The following KCNIP4 variants were observed in gnomAD, a reference collection of about 807,000 sequenced individuals.
The protein encoded by KCNIP4 is potassium voltage-gated channel interacting protein 4.
KCNIP4 carries 12 observed loss-of-function variants against 34.0 expected under a neutral mutation model. The observed-to-expected ratio is 0.35, with a 90% CI of 0.23 to 0.57. KCNIP4 has a LOEUF of 0.57. Among genes scored for constraint, KCNIP4 ranks in the 20% least tolerant of loss-of-function variants. The pLI is 0.83. For synonymous variants in KCNIP4, 124 were observed against 102.2 expected (o/e 1.21, Z -1.29); for missense variants, 238 against 311.7 (o/e 0.76, Z 1.78).
Position 20,748,262 on chromosome 4 carries a change from T to C in KCNIP4, c.429+1400A>G, listed in dbSNP as rs114749240. Among the ~76,000 whole-genome samples, 1,053 of 152,206 alleles carry C rather than the reference T, an allele frequency of 6.9e-3. 6 individuals carry two copies. Among genetic ancestry groups the C allele is most frequent in the Non-Finnish European group, 0.011 (770 of 68,008 alleles). On this transcript the variant is annotated intron_variant, in intron 5 of 8. Coordinates refer to ENST00000382152, the MANE Select transcript of KCNIP4 (RefSeq NM_025221.6). ...TGTGTATTCTATCTTCTTGATGATT[T>C]ACACGTTTCCCTTGGTTCCCAGGCC...
At chr4:21,476,898 T>A (rs565718290) in intron 1 of KCNIP4, among the ~76,000 whole-genome samples, 1 of 152,246 alleles carries the variant, frequency 6.6e-6, no homozygotes, top group African/African-American at 2.4e-5. Flanking sequence ...TCTCCTTGGC[T>A]CCGTCCTTGC....
chr4:21,867,623 G>C (rs964812332), intron 1 of KCNIP4, among the ~76,000 whole-genome samples: 1 of 152,166 alleles, frequency 6.6e-6, no homozygotes, highest in African/African-American at 2.4e-5. Flanking sequence ...ACAGAAAGCA[G>C]AGATGCTGGA....
chr4:21,074,542 G>A (rs1745297309), intron 1 of KCNIP4, among the ~76,000 whole-genome samples: 1 of 151,812 alleles, frequency 6.6e-6, no homozygotes, highest in South Asian at 2.1e-4. Flanking sequence ...TTCTTTATTA[G>A]TCTTGCTAGC....
At chr4:20,854,355 T>C (rs888115967) in intron 2 of KCNIP4, among the ~76,000 whole-genome samples, 5 of 152,094 alleles carry the variant, frequency 3.3e-5, no homozygotes, top group East Asian at 1.9e-4. Flanking sequence ...CTGAATGAGA[T>C]TGGAGACTAT....
chr4:21,037,553 G>C (rs1741558990), intron 1 of KCNIP4, among the ~76,000 whole-genome samples: 1 of 152,200 alleles, frequency 6.6e-6, no homozygotes, highest in Non-Finnish European at 1.5e-5. Flanking sequence ...CTCTAGGTTT[G>C]TGTAAGTATG....
chr4:20,917,026 T>C (rs1728908766), intron 1 of KCNIP4, among the ~76,000 whole-genome samples: 1 of 55,650 alleles, frequency 1.8e-5, no homozygotes, highest in Non-Finnish European at 3.4e-5. Context: ...TATATATATA[T>C]ATATATATAT....
Position 20,839,023 on chromosome 4 carries a change from T to A in KCNIP4, c.288+11520A>T, listed in dbSNP as rs1166369963. ...GAGGGAATCATTATGAGAAAGATTATGTTAGCTTCTGGAGGAACTCAAGGG... is the reference window on the plus strand; with the variant it reads ...GAGGGAATCATTATGAGAAAGATTAAGTTAGCTTCTGGAGGAACTCAAGGG... On this transcript the variant is annotated intron_variant, in intron 3 of 8. Transcript: ENST00000382152. Among the ~76,000 whole-genome samples, 3 of 152,208 alleles carry A rather than the reference T, an allele frequency of 2.0e-5. No individual in the cohort carries two copies. In the East Asian group the frequency reaches 5.8e-4, roughly 29 times the overall value.
chr4:21,029,068 C>T (rs1740785820), intron 1 of KCNIP4, among the ~76,000 whole-genome samples: 1 of 152,110 alleles, frequency 6.6e-6, no homozygotes, highest in Non-Finnish European at 1.5e-5. Context: ...CAACTTGAGA[C>T]ACAAACATTC....
chr4:21,776,195 C>A (rs1719167086), intron 1 of KCNIP4, among the ~76,000 whole-genome samples: 1 of 152,196 alleles, frequency 6.6e-6, no homozygotes. Flanking sequence ...GTTCCCCTTC[C>A]CCGTGTGGCT....
chr4:21,756,181 T>C (rs1717506646), intron 1 of KCNIP4, among the ~76,000 whole-genome samples: 1 of 152,232 alleles, frequency 6.6e-6, no homozygotes, highest in Non-Finnish European at 1.5e-5. Context: ...TTGTTCTATT[T>C]GGCCAGTTTA....
intron 1 of KCNIP4, among the ~76,000 whole-genome samples, chr4:21,143,037 AT>A (rs1187218201): frequency 3.3e-5 from 5 of 152,160 alleles, no homozygotes; most frequent in Admixed American, 6.5e-5. Flanking sequence ...GACCAAAAAG[AT>A]TACTAGGTGT....
chr4:21,525,273 T>C (rs1735876061), intron 1 of KCNIP4, among the ~76,000 whole-genome samples: 1 of 152,188 alleles, frequency 6.6e-6, no homozygotes, highest in South Asian at 2.1e-4. Flanking sequence ...ATGGAAAACT[T>C]CTAGGAGGCA....
At chr4:20,892,824 G>A (rs1726074432) in intron 1 of KCNIP4, among the ~76,000 whole-genome samples, 1 of 152,142 alleles carries the variant, frequency 6.6e-6, no homozygotes, top group Admixed American at 6.6e-5. Flanking sequence ...GAGAATACTA[G>A]CAGAAAACAA....
intron 1 of KCNIP4, among the ~76,000 whole-genome samples, chr4:21,279,802 T>C (rs1039170070): frequency 2.0e-5 from 3 of 152,060 alleles, no homozygotes; most frequent in Non-Finnish European, 4.4e-5. Flanking sequence ...TTCTGTAAAA[T>C]GGGCATACAA....
rs542046880 is a variant in KCNIP4, at chr4:21,702,624, A to T, written c.61+245947T>A. Among the ~76,000 whole-genome samples the T allele has an allele frequency of 4.5e-4, 68 of 152,088 alleles. 1 individual carries two copies. Among genetic ancestry groups the T allele is most frequent in the African/African-American group, 1.6e-3 (67 of 41,518 alleles). On this transcript the variant is annotated intron_variant, in intron 1 of 8. Coordinates refer to ENST00000382152, the MANE Select transcript of KCNIP4 (RefSeq NM_025221.6). ...TTTACAATTTATAAAATTTTCCATT[A>T]AAAAAAACTTCAGACCACATGGTTT...
intron 1 of KCNIP4, among the ~76,000 whole-genome samples, chr4:21,879,842 T>C (rs544287605): frequency 1.6e-4 from 24 of 152,132 alleles, no homozygotes; most frequent in African/African-American, 5.8e-4. Context: ...AATTGAATCA[T>C]GGAGGCAGTT....
At chr4:21,025,439 T>G (rs945462444) in intron 1 of KCNIP4, among the ~76,000 whole-genome samples, 2 of 128,422 alleles carry the variant, frequency 1.6e-5, no homozygotes, top group Non-Finnish European at 3.1e-5. Flanking sequence ...AGAAGTCAAG[T>G]GAACACCATT....
At chr4:21,190,032 G>A (rs1266590704) in intron 1 of KCNIP4, among the ~76,000 whole-genome samples, 2 of 152,110 alleles carry the variant, frequency 1.3e-5, no homozygotes, top group African/African-American at 2.4e-5. Context: ...GTTTTTTTCA[G>A]AAATATGAGA....
chr4:20,850,156 G>A (rs565582771), intron 3 of KCNIP4, among the ~76,000 whole-genome samples: 62 of 152,244 alleles, frequency 4.1e-4, no homozygotes, highest in Middle Eastern at 3.4e-3. Flanking sequence ...TCCAATTCCA[G>A]GAATGGAATC....
Sources: allele counts gnomAD v4.1 joint callset (sites outside exome capture counted in the v4.1 genomes callset), GRCh38; gene constraint gnomAD v4.1.1; transcripts MANE v1.5; gene names NCBI Gene and HGNC (gene_info 2026-07-23, HGNC 2026-07-21).